BCKDHB: variants seen among roughly 807,000 people sequenced by gnomAD.
BCKDHB encodes 2-oxoisovalerate dehydrogenase subunit beta, mitochondrial.
A neutral mutation model predicts 48.5 loss-of-function variants in BCKDHB; 41 were observed. The observed-to-expected ratio is 0.85, with a 90% confidence interval of 0.66 to 1.10. The LOEUF is 1.10. Ranked by LOEUF, BCKDHB falls within the 50% of genes least tolerant of loss-of-function variation. The pLI, the probability that BCKDHB is intolerant of heterozygous loss-of-function variation, is 0.00. For missense variants in BCKDHB, 496 were observed against 494.2 expected (o/e 1.00, Z -0.03); for synonymous variants, 201 against 174.8 (o/e 1.15, Z -1.18).
the BCKDHB span, among the ~76,000 whole-genome samples, chr6:80,351,949 G>A: frequency 1.3e-5 from 2 of 151,426 alleles, no homozygotes; most frequent in Admixed American, 6.6e-5. Flanking sequence ...CGCCTCCCAA[G>A]TAGCTGGGAT....
intron 8 of BCKDHB, among the ~76,000 whole-genome samples, chr6:80,245,034 C>G (rs1776550903): frequency 6.6e-6 from 1 of 152,036 alleles, no homozygotes; most frequent in Non-Finnish European, 1.5e-5. Context: ...ACCTCTCTAT[C>G]AGTTTCCTCA....
At chr6:80,169,490 C>G (rs183715934) in intron 5 of BCKDHB, among the ~76,000 whole-genome samples, 97 of 152,200 alleles carry the variant, frequency 6.4e-4, no homozygotes, top group African/African-American at 2.3e-3. Context: ...TAAGAGAAGA[C>G]TGTTACCTAG....
the BCKDHB span, chr6:80,374,273 G>C: frequency 3.6e-6 from 3 of 837,004 alleles, no homozygotes; most frequent in African/African-American, 1.7e-5. Context: ...CACCATTACT[G>C]TCTGCATTTT....
the BCKDHB span, among the ~76,000 whole-genome samples, chr6:80,433,277 C>A: frequency 6.6e-6 from 1 of 152,204 alleles, no homozygotes; most frequent in African/African-American, 2.4e-5. Context: ...CCCCTTCCCC[C>A]AGGTGCTCTG....
chr6:80,453,912 T>C, the BCKDHB span, among the ~76,000 whole-genome samples: 11 of 152,172 alleles, frequency 7.2e-5, no homozygotes, highest in Admixed American at 7.2e-4. Context: ...CTAGAATAAG[T>C]GGTTCTTCAC....
chr6:80,420,482 C>T, the BCKDHB span, among the ~76,000 whole-genome samples: 1 of 152,154 alleles, frequency 6.6e-6, no homozygotes, highest in Non-Finnish European at 1.5e-5. Flanking sequence ...AGAGCAGTGC[C>T]CTGAAATGTT....
chr6:80,355,524 C>G, the BCKDHB span: 1 of 151,320 alleles, frequency 6.6e-6, no homozygotes, highest in Non-Finnish European at 1.5e-5. Flanking sequence ...TTTCGGAGAA[C>G]AGTATAGTAA....
In BCKDHB at chr6:80,137,457, T is replaced by C. The variant is rs143886276; in HGVS notation, c.343+8228T>C. Among the ~76,000 whole-genome samples, 264 of 152,318 alleles carry C rather than the reference T, an allele frequency of 1.7e-3. 1 individual carries two copies. The highest frequency in any genetic ancestry group is 6.0e-3 in the African/African-American group (250 of 41,576). ...ATACTGGAGTGTGGTGGTACAATCA[T>C]ACTTCACTGCAGCCTTGAACTCTTG... is the stretch of plus-strand genomic sequence containing the variant. On this transcript the variant is annotated intron_variant, in intron 3 of 9. Coordinates refer to ENST00000320393, the MANE Select transcript of BCKDHB (RefSeq NM_183050.4).
intron 8 of BCKDHB, among the ~76,000 whole-genome samples, chr6:80,262,743 A>G (rs1251785092): frequency 1.3e-5 from 2 of 152,150 alleles, no homozygotes; most frequent in African/African-American, 4.8e-5. Flanking sequence ...TATTTTATTC[A>G]TAGACAATAT....
the BCKDHB span, among the ~76,000 whole-genome samples, chr6:80,360,854 A>C: frequency 2.0e-5 from 3 of 151,592 alleles, no homozygotes; most frequent in African/African-American, 7.3e-5. Flanking sequence ...AAAATACAAA[A>C]ATTTGCCAGG....
Position 80,162,948 on chromosome 6 carries a change from A to T in BCKDHB, c.344-4730A>T, listed in dbSNP as rs530987802. Among the ~76,000 whole-genome samples, 3 of 151,180 alleles carry T rather than the reference A, an allele frequency of 2.0e-5. No individual in the cohort carries two copies. In the East Asian group the frequency reaches 5.9e-4, roughly 30 times the overall value. On this transcript the variant is annotated intron_variant, in intron 3 of 9. Coordinates refer to ENST00000320393, the MANE Select transcript of BCKDHB (RefSeq NM_183050.4). Reference sequence around the variant, plus strand: ...TCTCTCTCTTTTTTTTTTAAGACAGAATTTCACTCTGTTGCCCAGGGTGGA... The same window carrying T: ...TCTCTCTCTTTTTTTTTTAAGACAGTATTTCACTCTGTTGCCCAGGGTGGA...
chr6:80,323,814 C>T (rs993686272), intron 9 of BCKDHB, among the ~76,000 whole-genome samples: 1 of 152,154 alleles, frequency 6.6e-6, no homozygotes, highest in Admixed American at 6.5e-5. Flanking sequence ...GCTCTGTTGC[C>T]CAGGCTGGCG....
chr6:80,143,443 G>A (rs1296602479), intron 3 of BCKDHB, among the ~76,000 whole-genome samples: 2 of 152,120 alleles, frequency 1.3e-5, no homozygotes, highest in Non-Finnish European at 2.9e-5. Flanking sequence ...AGACTAGGAG[G>A]AGCCAATAAA....
the BCKDHB span, among the ~76,000 whole-genome samples, chr6:80,358,553 G>A: frequency 6.6e-6 from 1 of 152,330 alleles, no homozygotes; most frequent in South Asian, 2.1e-4. Context: ...AAAAATGAAT[G>A]AAGTACTGAT....
intron 8 of BCKDHB, among the ~76,000 whole-genome samples, chr6:80,245,341 T>C (rs1231503147): frequency 1.3e-5 from 2 of 152,008 alleles, no homozygotes; most frequent in East Asian, 3.9e-4. Context: ...GGGGATAGTT[T>C]TCTGGAATAA....
At chr6:80,373,159 T>C in the BCKDHB span, among the ~76,000 whole-genome samples, 2 of 152,280 alleles carry the variant, frequency 1.3e-5, no homozygotes, top group East Asian at 3.9e-4. Flanking sequence ...CTCTCTTTAT[T>C]TCTGGTCTAA....
At chr6:80,282,757 T>A (rs1179182749) in intron 9 of BCKDHB, among the ~76,000 whole-genome samples, 1 of 152,114 alleles carries the variant, frequency 6.6e-6, no homozygotes, top group Non-Finnish European at 1.5e-5. Context: ...AAGTCTTTTA[T>A]TGATTTGTAT....
intron 9 of BCKDHB, among the ~76,000 whole-genome samples, chr6:80,295,946 C>T (rs746029037): frequency 5.9e-5 from 9 of 152,174 alleles, no homozygotes; most frequent in Non-Finnish European, 2.9e-5. Context: ...ATGTAAAATA[C>T]AGGAGTATAC....
chr6:80,107,467 A>G (rs1036990434), intron 1 of BCKDHB, among the ~76,000 whole-genome samples: 1 of 142,400 alleles, frequency 7.0e-6, no homozygotes, highest in Non-Finnish European at 1.5e-5. Context: ...ACACATATAT[A>G]TATGTGTGGA....
Sources: allele counts gnomAD v4.1 joint callset (sites outside exome capture counted in the v4.1 genomes callset), GRCh38; gene constraint gnomAD v4.1.1; transcripts MANE v1.5; gene names NCBI Gene and HGNC (gene_info 2026-07-23, HGNC 2026-07-21).